LSM14A: variants seen among roughly 807,000 people sequenced by gnomAD.
LSM14A encodes the protein protein LSM14 homolog A.
Under a neutral mutation model 52.4 loss-of-function variants are expected in LSM14A, and 14 were observed. The observed-to-expected ratio is 0.27, with a 90% CI of 0.18 to 0.42. The LOEUF (loss-of-function observed/expected upper bound fraction) is 0.42. Among genes scored for constraint, LSM14A ranks in the 10% least tolerant of loss-of-function variants. LSM14A has a pLI of 1.00. For missense variants in LSM14A, 417 were observed against 581.8 expected, an observed-to-expected ratio of 0.72 and a Z score of 2.91; for synonymous variants, 185 against 200.3, an observed-to-expected ratio of 0.92 and a Z score of 0.64.
At chr19:34,198,299 A>G (rs2071023740) in intron 3 of LSM14A, among the ~76,000 whole-genome samples, 1 of 131,660 alleles carries the variant, frequency 7.6e-6, no homozygotes, top group Non-Finnish European at 1.7e-5. Flanking sequence ...CAAAATAACA[A>G]AGAATGGCAA....
chr19:34,197,653 C>T (rs2070961316), intron 3 of LSM14A, among the ~76,000 whole-genome samples: 1 of 151,822 alleles, frequency 6.6e-6, no homozygotes, highest in Non-Finnish European at 1.5e-5. Context: ...GTTGGCCAAG[C>T]TGGTCTCGAA....
intron 3 of LSM14A, among the ~76,000 whole-genome samples, chr19:34,201,393 A>C (rs1216855968): frequency 6.6e-6 from 1 of 152,208 alleles, no homozygotes; most frequent in Non-Finnish European, 1.5e-5. Flanking sequence ...CCCAGGCTAG[A>C]GTGCAGTGGT....
chr19:34,175,766 CAG>C (rs1486162314), intron 1 of LSM14A, among the ~76,000 whole-genome samples: 8 of 152,134 alleles, frequency 5.3e-5, no homozygotes, highest in Non-Finnish European at 8.8e-5. Flanking sequence ...AATTCGATAT[CAG>C]AAAATTTCAC....
chr19:34,183,330 AT>A (rs1415165711), intron 1 of LSM14A, among the ~76,000 whole-genome samples: 1 of 152,204 alleles, frequency 6.6e-6, no homozygotes, highest in East Asian at 1.9e-4. Flanking sequence ...AGGCGGGCGG[AT>A]TACGAGGTCA....
chr19:34,196,202 C>T (rs923127552), intron 2 of LSM14A, among the ~76,000 whole-genome samples: 4 of 152,076 alleles, frequency 2.6e-5, no homozygotes, highest in Non-Finnish European at 4.4e-5. Context: ...TTTGTTTCTA[C>T]GTCTGTGAAT....
At chr19:34,197,434 T>C (rs1488859726) in intron 3 of LSM14A, among the ~76,000 whole-genome samples, 2 of 78,252 alleles carry the variant, frequency 2.6e-5, no homozygotes, top group Admixed American at 1.5e-4. Context: ...TCTTTTTCTT[T>C]TTTTTTTTTT....
chr19:34,187,405 A>T (rs2070006433), intron 1 of LSM14A, among the ~76,000 whole-genome samples: 2 of 151,984 alleles, frequency 1.3e-5, no homozygotes, highest in African/African-American at 4.8e-5. Context: ...CAGCCTCCCA[A>T]GTAGCTGGGA....
chr19:34,223,493 T>C (rs1348682450), intron 9 of LSM14A, among the ~76,000 whole-genome samples: 1 of 152,266 alleles, frequency 6.6e-6, no homozygotes, highest in Non-Finnish European at 1.5e-5. Flanking sequence ...TCTCATCATC[T>C]TCCTTCTCTC....
chr19:34,221,784 A>G (rs1310622339), intron 9 of LSM14A, 46 bp downstream of exon 9: 1 of 1,570,472 alleles, frequency 6.4e-7, no homozygotes, highest in Non-Finnish European at 8.7e-7. Flanking sequence ...CATGCATTTT[A>G]CAAGACTCAA....
chr19:34,182,588 A>G (rs992104194), intron 1 of LSM14A, among the ~76,000 whole-genome samples: 3 of 151,514 alleles, frequency 2.0e-5, no homozygotes, highest in Non-Finnish European at 2.9e-5. Flanking sequence ...CTGTAATCCT[A>G]ACACTTTGGG....
At chr19:34,182,329 A>C (rs1426921031) in intron 1 of LSM14A, among the ~76,000 whole-genome samples, 1 of 152,128 alleles carries the variant, frequency 6.6e-6, no homozygotes, top group African/African-American at 2.4e-5. Context: ...TTTTCTGTGG[A>C]ACTTTGAAGT....
intron 4 of LSM14A, among the ~76,000 whole-genome samples, chr19:34,213,850 G>A (rs756728680): frequency 2.0e-5 from 3 of 152,210 alleles, no homozygotes; most frequent in Admixed American, 6.5e-5. Flanking sequence ...GACCGATCTC[G>A]GCTCACTACA....
chr19:34,206,744 A>T (rs1168268585), intron 3 of LSM14A, among the ~76,000 whole-genome samples: 1 of 152,190 alleles, frequency 6.6e-6, no homozygotes, highest in African/African-American at 2.4e-5. Context: ...CCAAGGCCAA[A>T]TAACTGAAAT....
intron 3 of LSM14A, among the ~76,000 whole-genome samples, chr19:34,203,319 G>A (rs1322526356): frequency 1.4e-5 from 2 of 147,134 alleles, no homozygotes; most frequent in African/African-American, 4.9e-5. Context: ...TAGACCATCA[G>A]TGGGTACATT....
rs1183845768 is a variant in LSM14A, at chr19:34,217,052, G to T, written c.781+1391G>T. 2.6e-5 allele frequency among the ~76,000 whole-genome samples: 4 copies of T among 152,216 alleles called. No homozygotes were observed. The East Asian group carries it at 7.7e-4, about 29-fold the overall frequency. On this transcript the variant is annotated intron_variant, in intron 6 of 9. Transcript: ENST00000544216. ...CGAGGCGGGCAGGTCACGAGGTCAG[G>T]AGTTTGAGATCAGCCTGGCCATACG...
At chr19:34,212,500 A>G (rs1008137029) in intron 4 of LSM14A, among the ~76,000 whole-genome samples, 6 of 152,224 alleles carry the variant, frequency 3.9e-5, no homozygotes, top group Non-Finnish European at 7.3e-5. Flanking sequence ...AAAATTTTGA[A>G]GTATGTGTTT....
rs940841432 is a variant in LSM14A at position 34,212,719 on chromosome 19, A to T, written c.539-2405A>T. On this transcript the variant is annotated intron_variant, in intron 4 of 9. Coordinates refer to ENST00000544216, the MANE Select transcript of LSM14A (RefSeq NM_015578.4). ...TGGATTTATTCCTAATAATGTATCC[A>T]GTATCACAGTATCACCTGTATTTCC... Among the ~76,000 whole-genome samples the T allele has an allele frequency of 8.5e-5, 13 of 152,336 alleles. No individual in the cohort carries two copies. The Middle Eastern group carries it at 0.01, about 120-fold the overall frequency.
intron 2 of LSM14A, among the ~76,000 whole-genome samples, chr19:34,194,983 G>T (rs1368855039): frequency 6.6e-6 from 1 of 152,018 alleles, no homozygotes; most frequent in Non-Finnish European, 1.5e-5. Context: ...AGGAAGTTCA[G>T]ATGGAGCCAC....
intron 1 of LSM14A, among the ~76,000 whole-genome samples, chr19:34,188,151 G>T (rs986209731): frequency 2.6e-5 from 4 of 152,018 alleles, no homozygotes; most frequent in Non-Finnish European, 5.9e-5. Context: ...GCCAGGTGTA[G>T]TGTGTGTGCC....
Sources: allele counts gnomAD v4.1 joint callset (sites outside exome capture counted in the v4.1 genomes callset), GRCh38; gene constraint gnomAD v4.1.1; transcripts MANE v1.5; gene names NCBI Gene and HGNC (gene_info 2026-07-23, HGNC 2026-07-21).